Variants in MDM1 observed in about 807,000 individuals in gnomAD.
MDM1 encodes stabilizer of axonemal microtubules 6.
Under a neutral mutation model 89.1 loss-of-function variants are expected in MDM1, and 61 were observed. That is an observed-to-expected ratio of 0.68 (90% CI 0.56 to 0.85). The LOEUF (loss-of-function observed/expected upper bound fraction) is 0.85, where lower values mean the gene tolerates loss of function less well. MDM1 is among the 40% of genes least tolerant of loss of function. The pLI, the probability that MDM1 is intolerant of heterozygous loss-of-function variation, is 0.00. For synonymous variants in MDM1, 290 were observed against 294.1 expected (o/e 0.99, Z 0.14); for missense variants, 820 against 846.5 (o/e 0.97, Z 0.39).
In MDM1 at chr12:68,294,681, A is replaced by G. The variant is rs1464925228; in HGVS notation, c.*573T>C. The G allele has an allele frequency of 1.3e-5, 2 of 152,256 alleles. No individual in the cohort carries two copies. The highest frequency in any genetic ancestry group is 2.4e-5 in the African/African-American group (1 of 41,474). The allele number at this position is 152,256 out of a possible 1,614,324, so 9.4% of individuals were successfully genotyped here. A position where few individuals can be genotyped will look rare whatever the true frequency, so the allele number is the denominator to read the frequency against. On this transcript the variant is annotated 3_prime_UTR_variant, in exon 15 of 15. Coordinates refer to ENST00000682720, the MANE Select transcript of MDM1 (RefSeq NM_001354969.2). The stretch of plus-strand genomic sequence containing the variant: ...TGTAAGCCAAAGTCCTTACACAAAT[A>G]GAATACACTCAAAGATCAAAAATAT...
intron 7 of MDM1, among the ~76,000 whole-genome samples, chr12:68,317,713 A>T (rs1481101926): frequency 6.6e-6 from 1 of 152,200 alleles, no homozygotes; most frequent in African/African-American, 2.4e-5. Context: ...AATTTCTAGC[A>T]GTGGTTTTTG....
rs1875206565 is a variant in MDM1 at position 68,321,399 on chromosome 12, T to C, written c.953A>G (p.Tyr318Cys). The C allele has an allele frequency of 1.2e-6, 2 of 1,613,886 alleles. No individual in the cohort carries two copies. The highest frequency in any genetic ancestry group is 1.7e-6 in the Non-Finnish European group (2 of 1,179,902). Residue 318 changes from tyrosine to cysteine, a missense_variant, in exon 7 of 15, where the codon TAT becomes TGT. By Grantham distance (194) the Tyr-to-Cys change is radical. Coordinates refer to ENST00000682720, the MANE Select transcript of MDM1 (RefSeq NM_001354969.2). ...TGTCCAAGCCCCAGCTTTATATAAA[T>C]ACTGAGCTGGGCTCAGAAATTTTGC... ...YRAKFLSPAQ[Y>C]LYKAGAWTHV...
chr12:68,315,944 A>G (rs894650994), intron 9 of MDM1, 134 bp downstream of exon 9: 1 of 658,380 alleles, frequency 1.5e-6, no homozygotes, highest in Non-Finnish European at 2.4e-6. Flanking sequence ...GAGAATAAAA[A>G]TGAAATAAAT....
In MDM1 at chr12:68,297,070, G is replaced by A. The variant is rs1012449760; in HGVS notation, c.2003-88C>T. ...ATATACTAAACTGTTAGTAAAAGTA[G>A]GCTGTCAGAAATTTTATTAATTATC... On this transcript the variant is annotated intron_variant, in intron 13 of 14. Transcript: ENST00000682720. The A allele has an allele frequency of 1.1e-5, 9 of 838,088 alleles. No homozygotes were observed. The African/African-American group carries it at 1.6e-4, about 15-fold the overall frequency. The allele number at this position is 838,088 out of a possible 1,614,324, so 51.9% of individuals were successfully genotyped here.
chr12:68,323,337 C>A, intron 4 of MDM1, 97 bp from the exon 5 acceptor site: 1 of 832,628 alleles, frequency 1.2e-6, no homozygotes, highest in Non-Finnish European at 1.8e-6. Flanking sequence ...AATTACAGGA[C>A]AAAAAAATAG....
chr12:68,295,051 T>C lies in MDM1; in HGVS notation c.*203A>G. ...TTCAATAATCTAGGTCTTTGTACTCTGGGATAGATGTAAAAAGAATTCTTT... is the reference window on the plus strand; with the variant it reads ...TTCAATAATCTAGGTCTTTGTACTCCGGGATAGATGTAAAAAGAATTCTTT... On this transcript the variant is annotated 3_prime_UTR_variant, in exon 15 of 15. Transcript: ENST00000682720. 1.4e-5 allele frequency: 5 copies of C among 350,342 alleles called. No homozygotes were observed. In the South Asian group the frequency reaches 1.9e-4, roughly 13 times the overall value. 21.7% of individuals were successfully genotyped at this position (350,342 alleles called of 1,614,324 possible).
At chr12:68,317,177 A>T (rs1022937070) in intron 7 of MDM1, among the ~76,000 whole-genome samples, 1 of 152,196 alleles carries the variant, frequency 6.6e-6, no homozygotes, top group African/African-American at 2.4e-5. Context: ...ATATGCAAGT[A>T]ACATTTTCTG....
At chr12:68,323,036 G>T (rs1483559443) in intron 5 of MDM1, 37 bp downstream of exon 5, 3 of 1,562,814 alleles carry the variant, frequency 1.9e-6, no homozygotes, top group African/African-American at 2.8e-5. Context: ...TAAAATAACG[G>T]GGATTTTGTT....
intron 9 of MDM1, among the ~76,000 whole-genome samples, 153 bp downstream of exon 9, chr12:68,315,925 T>C (rs1874424267): frequency 6.6e-6 from 1 of 152,208 alleles, no homozygotes; most frequent in Admixed American, 6.5e-5. Context: ...CATTGCTTTA[T>C]TTTTCACTGA....
At chr12:68,320,211 C>G (rs2121059387) in intron 7 of MDM1, among the ~76,000 whole-genome samples, 1 of 152,306 alleles carries the variant, frequency 6.6e-6, no homozygotes, top group South Asian at 2.1e-4. Context: ...ATAAACTGCT[C>G]AAGAGTTTAG....
intron 12 of MDM1, among the ~76,000 whole-genome samples, chr12:68,309,150 T>A (rs1429019668): frequency 6.6e-6 from 1 of 152,202 alleles, no homozygotes; most frequent in Non-Finnish European, 1.5e-5. Context: ...ACGAAAGAAA[T>A]CCCAATGTTG....
At position 68,315,140 on chromosome 12, in the gene MDM1, A is replaced by G. The variant is rs1005108021; in HGVS notation, c.1337T>C (p.Ile446Thr). 6.2e-7 allele frequency: 1 copy of G among 1,613,944 alleles called. No individual in the cohort carries two copies. Among genetic ancestry groups the G allele is most frequent in the African/African-American group, 1.3e-5 (1 of 74,860 alleles). Residue 446 changes from isoleucine to threonine, a missense_variant, in exon 10 of 15, where the codon ATA becomes ACA. By Grantham distance (89) the Ile-to-Thr change is moderately conservative. Transcript: ENST00000682720. Reference sequence around the variant, plus strand: ...CCAAGCCAGCCGCCTTCTAACGGGTATGGTGGGAGCTGACACACCCAATTT... The same window carrying G: ...CCAAGCCAGCCGCCTTCTAACGGGTGTGGTGGGAGCTGACACACCCAATTT... Reference protein sequence around the residue: ...TEKLGVSAPTIPVRRRLAWDT... With the variant: ...TEKLGVSAPTTPVRRRLAWDT...
rs977649924 is a variant in MDM1, at chr12:68,325,750, T to C, written c.499-175A>G. 4.0e-6 allele frequency: 5 copies of C among 1,251,842 alleles called. No individual in the cohort carries two copies. The South Asian group carries it at 9.5e-5, about 24-fold the overall frequency. 77.5% of individuals were successfully genotyped at this position (1,251,842 alleles called of 1,614,324 possible). On this transcript the variant is annotated intron_variant, in intron 3 of 14. Coordinates refer to ENST00000682720, the MANE Select transcript of MDM1 (RefSeq NM_001354969.2). Reference sequence around the variant, plus strand: ...GGTACAGCAAACTTTCTTCAACTTATAAATAGTATCTTTTTTCAAGTGTCA... The same window carrying C: ...GGTACAGCAAACTTTCTTCAACTTACAAATAGTATCTTTTTTCAAGTGTCA...
At chr12:68,301,368 C>CA (rs1321930009) in intron 13 of MDM1, among the ~76,000 whole-genome samples, 1 of 152,096 alleles carries the variant, frequency 6.6e-6, no homozygotes, top group African/African-American at 2.4e-5. Flanking sequence ...TATGAAAAAT[C>CA]AAATACTGCA....
intron 1 of MDM1, chr12:68,331,923 G>C (rs1333548962): frequency 3.0e-6 from 2 of 665,408 alleles, no homozygotes; most frequent in East Asian, 5.9e-5. Context: ...ATCTGAAGTC[G>C]CCTTTAGTTC....
intron 13 of MDM1, 90 bp from the exon 14 acceptor site, chr12:68,297,072 C>T (rs762393960): frequency 6.1e-6 from 5 of 820,052 alleles, no homozygotes; most frequent in Admixed American, 7.0e-5. Context: ...TAAAAGTAGG[C>T]TGTCAGAAAT....
Position 68,315,380 on chromosome 12 carries a change from T to C in MDM1, c.1212-115A>G, listed in dbSNP as rs141869810. The C allele has an allele frequency of 1.0e-4, 96 of 949,588 alleles. 2 individuals are homozygous for C. In the Middle Eastern group the frequency reaches 5.9e-3, roughly 58 times the overall value. The allele number at this position is 949,588 out of a possible 1,614,324, so 58.8% of individuals were successfully genotyped here. A position where few individuals can be genotyped will look rare whatever the true frequency, so the allele number is the denominator to read the frequency against. On this transcript the variant is annotated intron_variant, in intron 9 of 14. Transcript: ENST00000682720. The stretch of plus-strand genomic sequence containing the variant: ...ACTGTTCACAACTACATGTTTTCCA[T>C]AGATATTGCCTTGCTCAGGTATTGA...
chr12:68,300,973 G>C (rs113366489), intron 13 of MDM1, among the ~76,000 whole-genome samples: 1 of 151,966 alleles, frequency 6.6e-6, no homozygotes, highest in African/African-American at 2.4e-5. Context: ...CAGACCACAG[G>C]GGAATAAAAC....
At chr12:68,310,507 C>T (rs1313934760) in intron 12 of MDM1, among the ~76,000 whole-genome samples, 1 of 152,190 alleles carries the variant, frequency 6.6e-6, no homozygotes, top group East Asian at 1.9e-4. Context: ...CTCACACCTT[C>T]CAGATGGCAG....
Sources: gnomAD v4.1 joint callset for allele counts (sites outside exome capture counted in the v4.1 genomes callset) on GRCh38, gnomAD v4.1.1 for gene constraint, MANE v1.5 for transcripts, NCBI Gene and HGNC (gene_info 2026-07-23, HGNC 2026-07-21) for gene names.